The following COL18A1 variants were observed in gnomAD, a reference collection of about 807,000 sequenced individuals.
COL18A1 encodes the protein collagen type XVIII alpha 1 chain.
Under a neutral mutation model 168.0 loss-of-function variants are expected in COL18A1, and 133 were observed. The ratio of observed to expected loss-of-function variants is 0.79; its 90% CI spans 0.69 to 0.91. The LOEUF is 0.91. Ranked by LOEUF, COL18A1 falls within the 40% of genes least tolerant of loss-of-function variation. The pLI is 0.00. For missense variants in COL18A1, 2,126 were observed against 1,925.4 expected (o/e 1.10, Z -1.95); for synonymous variants, 949 against 809.0 (o/e 1.17, Z -2.94).
At chr21:45,489,407 T>TC in intron 18 of COL18A1, 79 bp from the exon 19 acceptor site, 1 of 1,078,112 alleles carries the variant, frequency 9.3e-7, no homozygotes, top group Non-Finnish European at 1.4e-6. Flanking sequence ...AACTCACCCT[T>TC]CCCTTCACCC....
intron 2 of COL18A1, among the ~76,000 whole-genome samples, chr21:45,452,050 T>C (rs1328900248): frequency 1.3e-5 from 2 of 152,376 alleles, no homozygotes; most frequent in Non-Finnish European, 2.9e-5. Flanking sequence ...TGCCAACTGC[T>C]GCTCCTTGTG....
At chr21:45,436,526 T>G (rs2034101591) in intron 2 of COL18A1, among the ~76,000 whole-genome samples, 1 of 152,124 alleles carries the variant, frequency 6.6e-6, no homozygotes, top group Non-Finnish European at 1.5e-5. Context: ...AAAAAAGTCG[T>G]CTTTGTGGGC....
rs1233806011 is a variant in COL18A1, at chr21:45,455,891, A to G, written c.107-12351A>G. The G allele has an allele frequency of 3.1e-6, 5 of 1,613,078 alleles. No individual in the cohort carries two copies. Among genetic ancestry groups the G allele is most frequent in the Non-Finnish European group, 4.2e-6 (5 of 1,180,014 alleles). On this transcript the variant is annotated intron_variant, in intron 2 of 41. Coordinates refer to ENST00000651438, the MANE Select transcript of COL18A1 (RefSeq NM_001379500.1). ...CGAGATCCTGAACGTGGCCAAAGGC[A>G]TCCGGAGCTTCGTCCAGCTGTGGAA...
At chr21:45,507,342 G>C (rs2037274061) in intron 37 of COL18A1, 1 of 617,870 alleles carries the variant, frequency 1.6e-6, no homozygotes, top group Non-Finnish European at 2.9e-6. Flanking sequence ...CCGGGTGCTG[G>C]GCAGGGAGGG....
rs183410025 is a variant in COL18A1, at chr21:45,484,497, C to T, written c.1701+1676C>T. On this transcript the variant is annotated intron_variant, in intron 15 of 41. Transcript: ENST00000651438. ...CCTCTCCAGCATATGTGCACACACA[C>T]ACATGCACCTCTCCAGCATATGTGC... Among the ~76,000 whole-genome samples the T allele has an allele frequency of 8.1e-3, 1,225 of 151,050 alleles. 10 individuals are homozygous for T. The highest frequency in any genetic ancestry group is 0.02 in the South Asian group (96 of 4,798).
chr21:45,448,574 C>T (rs1002625235), intron 2 of COL18A1, among the ~76,000 whole-genome samples: 1 of 152,280 alleles, frequency 6.6e-6, no homozygotes, highest in Non-Finnish European at 1.5e-5. Context: ...CAGACGCTCG[C>T]TGAGGTGAGC....
chr21:45,494,523 GTCT>G lies in COL18A1; in HGVS notation c.2353-17_2353-15del, dbSNP rs762244775. The G allele has an allele frequency of 2.4e-4, 389 of 1,613,300 alleles. 1 individual carries two copies. Among genetic ancestry groups the G allele is most frequent in the Middle Eastern group, 6.6e-4 (4 of 6,054 alleles). On this transcript the variant is annotated intron_variant, in intron 26 of 41. Coordinates refer to ENST00000651438, the MANE Select transcript of COL18A1 (RefSeq NM_001379500.1). ...GGGGCACAAGCTGCCACCTAACCCT[GTCT>G]TCTTGTTTTTTTGCTCAGGGAGAGC...
chr21:45,458,363 C>T (rs1039606956), intron 2 of COL18A1, among the ~76,000 whole-genome samples: 5 of 151,280 alleles, frequency 3.3e-5, no homozygotes, highest in South Asian at 2.1e-4. Context: ...AGGCAGGGGC[C>T]GTGCCCACGG....
intron 2 of COL18A1, chr21:45,467,557 C>A: frequency 1.7e-6 from 1 of 583,106 alleles, no homozygotes; most frequent in Non-Finnish European, 2.2e-6. Flanking sequence ...ACCGACAGCG[C>A]TGGGTGAAAT....
chr21:45,454,928 G>A (rs749395500), intron 2 of COL18A1, among the ~76,000 whole-genome samples: 1 of 152,214 alleles, frequency 6.6e-6, no homozygotes, highest in Non-Finnish European at 1.5e-5. Context: ...GGCAGGTAAA[G>A]CCCCAGCTTT....
chr21:45,460,071 G>A (rs1029447873), intron 2 of COL18A1, among the ~76,000 whole-genome samples: 8 of 152,214 alleles, frequency 5.3e-5, no homozygotes, highest in African/African-American at 1.9e-4. Context: ...GAGAAACTGA[G>A]GCCTAGGAAG....
In COL18A1 at chr21:45,487,007, C is replaced by A; in HGVS notation, c.1833+15C>A. ...CCGCTGGATTTGTGAGTACCGCCTA[C>A]ACCTGACCCCCTGGAGAGCCGGGGG... is the stretch of plus-strand genomic sequence containing the variant. On this transcript the variant is annotated intron_variant, in intron 16 of 41. Coordinates refer to ENST00000651438, the MANE Select transcript of COL18A1 (RefSeq NM_001379500.1). 1 of 1,509,250 alleles carries A rather than the reference C, an allele frequency of 6.6e-7. No homozygotes were observed. Among genetic ancestry groups the A allele is most frequent in the South Asian group, 1.3e-5 (1 of 76,598 alleles). 93.5% of individuals were successfully genotyped at this position (1,509,250 alleles called of 1,614,324 possible). A position where few individuals can be genotyped will look rare whatever the true frequency, so the allele number is the denominator to read the frequency against.
chr21:45,499,931 TGTAA>T (rs1236722428), intron 32 of COL18A1, among the ~76,000 whole-genome samples: 1 of 152,220 alleles, frequency 6.6e-6, no homozygotes, highest in African/African-American at 2.4e-5. Context: ...CTACAGGTGC[TGTAA>T]GTATGACGAG....
intron 2 of COL18A1, among the ~76,000 whole-genome samples, chr21:45,467,938 C>A (rs1159435718): frequency 3.9e-5 from 6 of 152,240 alleles, no homozygotes; most frequent in Non-Finnish European, 8.8e-5. Context: ...CCCATCCCTG[C>A]TCAAAGCATG....
intron 2 of COL18A1, chr21:45,421,702 C>T: frequency 2.2e-6 from 1 of 451,250 alleles, no homozygotes; most frequent in Non-Finnish European, 4.5e-6. Flanking sequence ...CGGGTACTTG[C>T]CGTGCCTGCC....
intron 27 of COL18A1, 127 bp downstream of exon 27, chr21:45,494,698 C>T (rs537399162): frequency 3.9e-5 from 56 of 1,447,150 alleles, no homozygotes; most frequent in South Asian, 5.8e-5. Flanking sequence ...AGTTTTAAAG[C>T]GTGTGGGGCA....
intron 2 of COL18A1, among the ~76,000 whole-genome samples, chr21:45,437,296 ACACACT>A (rs1182356086): frequency 9.1e-6 from 1 of 110,354 alleles, no homozygotes; most frequent in African/African-American, 3.9e-5. Flanking sequence ...CTGCACACAC[ACACACT>A]CACACAGGCA....
rs368730604 is a variant in COL18A1, at chr21:45,456,529, C to T, written c.107-11713C>T. 6.3e-5 allele frequency: 97 copies of T among 1,547,944 alleles called. 2 individuals carry two copies. In the African/African-American group the frequency reaches 1.2e-3, roughly 19 times the overall value. The stretch of plus-strand genomic sequence containing the variant: ...CTGACCCCGAGGCCCCCGCCGGTCG[C>T]TGCCTGCCCCTGCCACCCTCCCTGC... On this transcript the variant is annotated intron_variant, in intron 2 of 41. Transcript: ENST00000651438.
intron 2 of COL18A1, chr21:45,420,464 C>T (rs1306722371): frequency 2.0e-5 from 3 of 152,212 alleles, no homozygotes; most frequent in South Asian, 2.1e-4. Context: ...CCTGCAGCCC[C>T]CACGCAGGTA....
Sources: allele counts gnomAD v4.1 joint callset (sites outside exome capture counted in the v4.1 genomes callset), GRCh38; gene constraint gnomAD v4.1.1; transcripts MANE v1.5; gene names NCBI Gene and HGNC (gene_info 2026-07-23, HGNC 2026-07-21).